Variants in NBAS observed in about 807,000 individuals in gnomAD.
NBAS encodes the protein NAG/BC035112 fusion.
In NBAS, 219 loss-of-function variants were observed where a neutral mutation model predicts 302.5. The ratio of observed to expected loss-of-function variants is 0.72; its 90% confidence interval spans 0.65 to 0.81. The LOEUF is 0.81. NBAS is among the 30% of genes least tolerant of loss of function. The pLI is 0.00. For synonymous variants in NBAS, 1,118 were observed against 1,021.6 expected (o/e 1.09, Z -1.80); for missense variants, 2,932 against 2,841.6 (o/e 1.03, Z -0.72).
chr2:15,251,545 C>T (rs939767477), intron 44 of NBAS, among the ~76,000 whole-genome samples: 1 of 152,174 alleles, frequency 6.6e-6, no homozygotes, highest in Non-Finnish European at 1.5e-5. Context: ...ACTCCATAGG[C>T]CCTTGGGGCT....
chr2:14,914,417 G>A, the NBAS span, among the ~76,000 whole-genome samples: 1 of 152,232 alleles, frequency 6.6e-6, no homozygotes, highest in Admixed American at 6.5e-5. Context: ...ATAATATCAA[G>A]AGAATGGGTG....
chr2:14,937,908 A>G, the NBAS span, among the ~76,000 whole-genome samples: 22 of 152,060 alleles, frequency 1.4e-4, no homozygotes, highest in African/African-American at 4.8e-4. Context: ...AGGCAGGGAG[A>G]CCATGAAGTC....
At chr2:14,846,856 C>G in the NBAS span, among the ~76,000 whole-genome samples, 1 of 151,148 alleles carries the variant, frequency 6.6e-6, no homozygotes, top group Admixed American at 6.6e-5. Context: ...TAAATCATAC[C>G]ACCAGAAAAA....
the NBAS span, among the ~76,000 whole-genome samples, chr2:14,960,081 A>C: frequency 2.0e-5 from 3 of 152,180 alleles, no homozygotes; most frequent in Non-Finnish European, 4.4e-5. Context: ...AAAAAAATGG[A>C]TATGATTTTT....
chr2:15,491,927 C>A (rs1330154252), intron 11 of NBAS, among the ~76,000 whole-genome samples: 1 of 152,108 alleles, frequency 6.6e-6, no homozygotes, highest in Non-Finnish European at 1.5e-5. Context: ...GGTACTGTTT[C>A]TCCTCTACAC....
At chr2:15,485,717 A>G (rs1680597070) in intron 12 of NBAS, among the ~76,000 whole-genome samples, 1 of 152,216 alleles carries the variant, frequency 6.6e-6, no homozygotes, top group Admixed American at 6.5e-5. Context: ...GTGTCTGTGA[A>G]GAGGTTGAAG....
chr2:15,287,653 G>T (rs1273111290), intron 41 of NBAS, among the ~76,000 whole-genome samples: 1 of 151,476 alleles, frequency 6.6e-6, no homozygotes, highest in Non-Finnish European at 1.5e-5. Context: ...TAGGCACCCC[G>T]AGCACCATGT....
intron 22 of NBAS, among the ~76,000 whole-genome samples, chr2:15,425,685 C>T (rs781578813): frequency 6.6e-4 from 100 of 152,100 alleles, no homozygotes; most frequent in Non-Finnish European, 1.2e-3. Context: ...CCAGGGATTT[C>T]CCCCCAGCTC....
At chr2:15,079,071 A>G in the NBAS span, among the ~76,000 whole-genome samples, 1 of 152,152 alleles carries the variant, frequency 6.6e-6, no homozygotes, top group Non-Finnish European at 1.5e-5. Flanking sequence ...AGTGCAATGC[A>G]GTTTTAAGTT....
intron 26 of NBAS, among the ~76,000 whole-genome samples, chr2:15,396,942 C>T (rs1675893052): frequency 6.6e-6 from 1 of 152,198 alleles, no homozygotes; most frequent in Non-Finnish European, 1.5e-5. Flanking sequence ...AGTTCTTCCA[C>T]ATAATCATCC....
At chr2:15,093,067 C>G in the NBAS span, among the ~76,000 whole-genome samples, 1 of 152,168 alleles carries the variant, frequency 6.6e-6, no homozygotes, top group Non-Finnish European at 1.5e-5. Context: ...CCTGCTCTGG[C>G]ACCTCTGCAA....
At chr2:15,494,965 C>A (rs1385225200) in intron 11 of NBAS, among the ~76,000 whole-genome samples, 1 of 152,212 alleles carries the variant, frequency 6.6e-6, no homozygotes, top group Non-Finnish European at 1.5e-5. Flanking sequence ...TGACAAGACT[C>A]TGTGGCAGCA....
chr2:14,810,474 C>T, the NBAS span, among the ~76,000 whole-genome samples: 2 of 152,236 alleles, frequency 1.3e-5, no homozygotes, highest in African/African-American at 4.8e-5. Context: ...ATGATTTGCT[C>T]TTCCTTGCCT....
At chr2:14,780,970 A>G in the NBAS span, among the ~76,000 whole-genome samples, 1 of 152,220 alleles carries the variant, frequency 6.6e-6, no homozygotes, top group Non-Finnish European at 1.5e-5. Context: ...CGAAGGCAGT[A>G]AGGGAACTAG....
the NBAS span, among the ~76,000 whole-genome samples, chr2:15,049,813 G>C: frequency 2.0e-5 from 3 of 152,182 alleles, no homozygotes; most frequent in Non-Finnish European, 1.5e-5. Context: ...AGCTTCCAGG[G>C]GGCCTTGTAA....
At chr2:14,887,700 C>A in the NBAS span, among the ~76,000 whole-genome samples, 2 of 152,190 alleles carry the variant, frequency 1.3e-5, no homozygotes, top group Non-Finnish European at 2.9e-5. Flanking sequence ...TAAGCCCCTG[C>A]TAGTCCCTGT....
At chr2:14,825,842 T>C in the NBAS span, among the ~76,000 whole-genome samples, 124 of 152,274 alleles carry the variant, frequency 8.1e-4, 2 homozygotes, top group East Asian at 0.022. Context: ...TGGGTGTCAG[T>C]AGGCATTTGC....
chr2:15,509,921 C>T (rs1259006505), intron 10 of NBAS, among the ~76,000 whole-genome samples: 1 of 152,156 alleles, frequency 6.6e-6, no homozygotes, highest in Non-Finnish European at 1.5e-5. Context: ...ACAATCTCGG[C>T]TCACTGCAAC....
chr2:15,091,739 G>A, the NBAS span, among the ~76,000 whole-genome samples: 2 of 152,182 alleles, frequency 1.3e-5, no homozygotes, highest in Non-Finnish European at 2.9e-5. Context: ...CGCCATATTG[G>A]CCAGGCTGGT....
Sources: gnomAD v4.1 joint callset for allele counts (sites outside exome capture counted in the v4.1 genomes callset) on GRCh38, gnomAD v4.1.1 for gene constraint, MANE v1.5 for transcripts, NCBI Gene and HGNC (gene_info 2026-07-23, HGNC 2026-07-21) for gene names.